Variants in CCDC141 observed in about 807,000 individuals in gnomAD.
CCDC141 encodes coiled-coil domain-containing protein 141.
Under a neutral mutation model 181.0 loss-of-function variants are expected in CCDC141, and 168 were observed. The ratio of observed to expected loss-of-function variants is 0.93; its 90% CI spans 0.82 to 1.05. CCDC141 has a LOEUF of 1.05. Among genes scored for constraint, CCDC141 ranks in the 50% least tolerant of loss-of-function variants. CCDC141 has a pLI of 0.00. For synonymous variants in CCDC141, 666 were observed against 642.3 expected (o/e 1.04, Z -0.56); for missense variants, 1,902 against 1,788.5 (o/e 1.06, Z -1.14).
rs1251323296 is a variant in CCDC141, at chr2:178,831,780, A to G, written c.*2393T>C. The G allele has an allele frequency of 6.6e-6, 1 of 152,208 alleles. No individual in the cohort carries two copies. Among genetic ancestry groups the G allele is most frequent in the Non-Finnish European group, 1.5e-5 (1 of 68,036 alleles). 9.4% of individuals were successfully genotyped at this position (152,208 alleles called of 1,614,324 possible). The stretch of plus-strand genomic sequence containing the variant: ...ATCAATAGCCCAGATGAATAGGTAG[A>G]TGGATAGGTACACAGAAAGCTATCT... On this transcript the variant is annotated 3_prime_UTR_variant, in exon 24 of 24. Coordinates refer to ENST00000443758, the MANE Select transcript of CCDC141 (RefSeq NM_173648.4).
intron 2 of CCDC141, among the ~76,000 whole-genome samples, chr2:179,022,788 C>T (rs1445692071): frequency 6.6e-6 from 1 of 152,052 alleles, no homozygotes; most frequent in Non-Finnish European, 1.5e-5. Flanking sequence ...GTGTGTGTGT[C>T]CCTTCCAATG....
intron 2 of CCDC141, among the ~76,000 whole-genome samples, chr2:178,989,363 G>T (rs1280540975): frequency 6.6e-6 from 1 of 152,018 alleles, no homozygotes; most frequent in Non-Finnish European, 1.5e-5. Flanking sequence ...GGAGGCCGAG[G>T]CAGGCAGGTC....
intron 8 of CCDC141, among the ~76,000 whole-genome samples, chr2:178,895,681 A>C (rs1355329346): frequency 6.6e-6 from 1 of 152,206 alleles, no homozygotes; most frequent in Non-Finnish European, 1.5e-5. Context: ...AATATTTGGA[A>C]AGTGGCTGGG....
At chr2:178,936,909 T>G (rs548277679) in intron 6 of CCDC141, among the ~76,000 whole-genome samples, 180 of 152,256 alleles carry the variant, frequency 1.2e-3, no homozygotes, top group African/African-American at 4.2e-3. Flanking sequence ...CTGTTGTTGG[T>G]GTATAGGAAT....
chr2:178,850,759 G>A (rs1685129350), intron 20 of CCDC141, among the ~76,000 whole-genome samples: 1 of 152,040 alleles, frequency 6.6e-6, no homozygotes, highest in African/African-American at 2.4e-5. Context: ...TTTCCAACTG[G>A]GTTTCTCTCT....
chr2:178,850,758 G>A (rs1685129243), intron 20 of CCDC141, among the ~76,000 whole-genome samples: 1 of 152,116 alleles, frequency 6.6e-6, no homozygotes, highest in African/African-American at 2.4e-5. Context: ...TTTTCCAACT[G>A]GGTTTCTCTC....
intron 2 of CCDC141, among the ~76,000 whole-genome samples, chr2:178,994,955 T>C (rs1486512697): frequency 6.6e-6 from 1 of 152,218 alleles, no homozygotes; most frequent in Non-Finnish European, 1.5e-5. Context: ...AGCCTGGACT[T>C]TACTGTCCAT....
chr2:179,026,716 C>A (rs541343434), intron 2 of CCDC141, among the ~76,000 whole-genome samples: 1 of 152,208 alleles, frequency 6.6e-6, no homozygotes, highest in Non-Finnish European at 1.5e-5. Context: ...AAGCCACAGA[C>A]GCACAATGCC....
At chr2:179,020,564 T>C (rs2042666735) in intron 2 of CCDC141, among the ~76,000 whole-genome samples, 1 of 152,152 alleles carries the variant, frequency 6.6e-6, no homozygotes, top group African/African-American at 2.4e-5. Context: ...GGAAAGATCA[T>C]GAAAATGAGA....
chr2:179,031,204 GT>G (rs3045788), intron 2 of CCDC141, among the ~76,000 whole-genome samples: 5,944 of 148,062 alleles, frequency 0.04, 393 homozygotes, highest in African/African-American at 0.14. Context: ...ATTTTCACTT[GT>G]TTTTTTTTTT....
chr2:178,856,732 G>A (rs1685405673), intron 17 of CCDC141, among the ~76,000 whole-genome samples: 1 of 152,056 alleles, frequency 6.6e-6, no homozygotes. Context: ...CTGCAGATGT[G>A]TGCCACCATG....
At chr2:178,911,171 T>C (rs545137387) in intron 7 of CCDC141, among the ~76,000 whole-genome samples, 1 of 152,342 alleles carries the variant, frequency 6.6e-6, no homozygotes, top group East Asian at 1.9e-4. Context: ...ATTTATGGAC[T>C]ATGTACTCAG....
intron 2 of CCDC141, among the ~76,000 whole-genome samples, chr2:179,000,822 TG>T (rs1427747380): frequency 3.9e-5 from 6 of 152,214 alleles, no homozygotes; most frequent in Admixed American, 6.5e-5. Flanking sequence ...CAAGGCTTGA[TG>T]CAATTGCTAC....
intron 5 of CCDC141, among the ~76,000 whole-genome samples, chr2:178,945,463 G>A (rs558531617): frequency 5.9e-5 from 9 of 152,118 alleles, no homozygotes; most frequent in Admixed American, 1.3e-4. Flanking sequence ...TTAGAGATGC[G>A]GTAACTGAGT....
At chr2:178,962,850 A>T (rs1690466871) in intron 4 of CCDC141, among the ~76,000 whole-genome samples, 1 of 152,002 alleles carries the variant, frequency 6.6e-6, no homozygotes, top group African/African-American at 2.4e-5. Flanking sequence ...AATTCCTCAC[A>T]CATGCTATAC....
At chr2:178,950,687 T>C (rs943017727) in intron 5 of CCDC141, among the ~76,000 whole-genome samples, 1 of 152,210 alleles carries the variant, frequency 6.6e-6, no homozygotes, top group Non-Finnish European at 1.5e-5. Flanking sequence ...TGGAGCCCTT[T>C]GTGAATTACT....
chr2:178,976,197 G>C (rs35233376), intron 3 of CCDC141, among the ~76,000 whole-genome samples: 35,627 of 152,076 alleles, frequency 0.23, 5,547 homozygotes, highest in Non-Finnish European at 0.34. Flanking sequence ...TTAGCACTAA[G>C]ATTCAACAGT....
At chr2:178,899,724 A>C (rs1331235452) in intron 8 of CCDC141, among the ~76,000 whole-genome samples, 1 of 152,170 alleles carries the variant, frequency 6.6e-6, no homozygotes, top group Non-Finnish European at 1.5e-5. Context: ...TGTGATGTTC[A>C]ACAATATCTG....
intron 7 of CCDC141, among the ~76,000 whole-genome samples, chr2:178,909,607 TTGCCAGTTCCATG>T (rs1341298850): frequency 1.3e-5 from 2 of 152,332 alleles, no homozygotes; most frequent in East Asian, 1.9e-4. Context: ...CATGCAGAAT[TTGCCAGTTCCATG>T]TGCCAGTTCC....
Sources: allele counts gnomAD v4.1 joint callset (sites outside exome capture counted in the v4.1 genomes callset), GRCh38; gene constraint gnomAD v4.1.1; transcripts MANE v1.5; gene names NCBI Gene and HGNC (gene_info 2026-07-23, HGNC 2026-07-21).